Variants in PPOX observed in about 807,000 individuals in gnomAD.
The protein encoded by PPOX is variegate porphyria.
PPOX carries 23 observed loss-of-function variants against 54.1 expected under a neutral mutation model. The observed-to-expected ratio is 0.43, with a 90% CI of 0.31 to 0.60. PPOX has a LOEUF of 0.60. PPOX is among the 20% of genes least tolerant of loss of function. The pLI, the probability that PPOX is intolerant of heterozygous loss-of-function variation, is 0.13. For synonymous variants in PPOX, 224 were observed against 236.1 expected (o/e 0.95, Z 0.47); for missense variants, 512 against 601.1 (o/e 0.85, Z 1.55).
chr1:161,166,591 A>G lies in PPOX; in HGVS notation c.-90A>G. The G allele has an allele frequency of 7.0e-7, 1 of 1,430,800 alleles. No individual in the cohort carries two copies. The highest frequency in any genetic ancestry group is 2.7e-5 in the Admixed American group (1 of 36,546). The allele number at this position is 1,430,800 out of a possible 1,614,324, so 88.6% of individuals were successfully genotyped here. ...TAGCGAGGGTGTGGCCCTTATCTGC[A>G]CCCAGCAGAGCGCCGGCGGGGTACG... On this transcript the variant is annotated 5_prime_UTR_variant, in exon 1 of 13. Transcript: ENST00000367999.
intron 7 of PPOX, 123 bp from the exon 8 acceptor site, chr1:161,169,537 G>C: frequency 1.0e-6 from 1 of 993,832 alleles, no homozygotes; most frequent in African/African-American, 1.6e-5. Flanking sequence ...CTTCATCCTG[G>C]GTCAGTACAC....
chr1:161,172,462 A>G, downstream of PPOX: 1 of 743,832 alleles, frequency 1.3e-6, no homozygotes, highest in Non-Finnish European at 2.1e-6. Context: ...CCAGGACAGA[A>G]GTCAAACAGA....
downstream of PPOX, chr1:161,173,518 A>G: frequency 6.3e-7 from 1 of 1,580,182 alleles, no homozygotes; most frequent in East Asian, 2.2e-5. Context: ...GCTAAAGGTT[A>G]GTGTTGAAGG....
chr1:161,169,553 C>G, intron 7 of PPOX, 107 bp from the exon 8 acceptor site: 2 of 1,167,710 alleles, frequency 1.7e-6, no homozygotes, highest in Non-Finnish European at 2.6e-6. Context: ...TACACAGTCT[C>G]CCCGGCCACA....
At chr1:161,166,038 C>T (rs547327371), upstream of PPOX, 4 of 960,494 alleles carry the variant, frequency 4.2e-6, no homozygotes, top group South Asian at 1.4e-4. Context: ...CCCGTAGGCC[C>T]GGTCTGTTGC....
chr1:161,168,338 C>T (rs1659855098), intron 5 of PPOX, 94 bp from the exon 6 acceptor site: 2 of 1,595,508 alleles, frequency 1.3e-6, no homozygotes, highest in East Asian at 2.2e-5. Context: ...CAACCCAAAC[C>T]CTATCCCACC....
At chr1:161,173,510 TA>T (rs1478116047), downstream of PPOX, 4 of 1,568,952 alleles carry the variant, frequency 2.5e-6, no homozygotes, top group East Asian at 4.5e-5. Context: ...ACCAGGGAGC[TA>T]AAGGTTAGTG....
At chr1:161,166,378 T>A, upstream of PPOX, 1 of 1,051,818 alleles carries the variant, frequency 9.5e-7, no homozygotes, top group Non-Finnish European at 1.2e-6. Context: ...GTCCCGCCAA[T>A]CCAGATGTAG....
In PPOX at chr1:161,168,067, C is replaced by T; in HGVS notation, c.411C>T (p.Pro137=). The change falls in exon 5 of 13, where the codon CCC becomes CCT. Residue 137 remains proline, a synonymous_variant. Transcript: ENST00000367999. ...FWAGLRELTK[P]RGKEPDETVH... ...CTGGGCTGAGGGAGCTGACCAAGCC[C>T]CGGGGCAAAGAGCCTGATGAGACTG... is the stretch of plus-strand genomic sequence containing the variant. 6.2e-7 allele frequency: 1 copy of T among 1,614,170 alleles called. No homozygotes were observed. The highest frequency in any genetic ancestry group is 8.5e-7 in the Non-Finnish European group (1 of 1,180,034).
chr1:161,166,001 T>G, upstream of PPOX: 1 of 775,008 alleles, frequency 1.3e-6, no homozygotes. Flanking sequence ...TGACAAACAC[T>G]GGGTACGTTG....
In PPOX at chr1:161,171,173, C is replaced by T. The variant is rs1353605669; in HGVS notation, c.1431C>T (p.Ser477=). ...AVSVLGTEPN[S] The stretch of plus-strand genomic sequence containing the variant: ...GTGTCCTGGGCACAGAACCTAACAG[C>T]TGATCCCCAACTCTCATTCATGAAA... The change falls in exon 13 of 13, where the codon AGC becomes AGT. Residue 477 remains serine (S), a synonymous_variant. Coordinates refer to ENST00000367999, the MANE Select transcript of PPOX (RefSeq NM_001122764.3). 1 of 1,613,298 alleles carries T rather than the reference C, an allele frequency of 6.2e-7. No individual in the cohort carries two copies. Among genetic ancestry groups the T allele is most frequent in the Non-Finnish European group, 8.5e-7 (1 of 1,180,042 alleles).
chr1:161,170,063 A>G, intron 9 of PPOX, 39 bp downstream of exon 9: 2 of 1,587,086 alleles, frequency 1.3e-6, no homozygotes, highest in Non-Finnish European at 8.6e-7. Flanking sequence ...ATGGTGGCTC[A>G]CACCTGTAAT....
At chr1:161,168,354 T>C in intron 5 of PPOX, 78 bp from the exon 6 acceptor site, 1 of 1,604,232 alleles carries the variant, frequency 6.2e-7, no homozygotes, top group Non-Finnish European at 8.5e-7. Context: ...CCACCCTCAT[T>C]CCCTACCAAA....
downstream of PPOX, among the ~76,000 whole-genome samples, chr1:161,173,402 T>C (rs988602691): frequency 1.3e-5 from 2 of 152,098 alleles, no homozygotes; most frequent in African/African-American, 4.8e-5. Context: ...AAGAACAAAC[T>C]AACCAGGAGA....
At chr1:161,168,164 C>A in intron 5 of PPOX, 37 bp downstream of exon 5, 1 of 1,614,114 alleles carries the variant, frequency 6.2e-7, no homozygotes, top group Non-Finnish European at 8.5e-7. Context: ...CTCTTCCCTC[C>A]TAAACCAGCT....
At chr1:161,168,705 T>C in intron 6 of PPOX, 129 bp downstream of exon 6, 1 of 1,242,196 alleles carries the variant, frequency 8.1e-7, no homozygotes, top group East Asian at 2.5e-5. Flanking sequence ...CTGCCTAGGC[T>C]GGAGTGCAGT....
At chr1:161,176,253 C>A in intron 4 of PPOX, 1 of 697,982 alleles carries the variant, frequency 1.4e-6, no homozygotes, top group Non-Finnish European at 2.3e-6. Context: ...CCACCAGTAA[C>A]CCTACCACCT....
At chr1:161,173,657 A>C, downstream of PPOX, 1 of 1,614,158 alleles carries the variant, frequency 6.2e-7, no homozygotes, top group Non-Finnish European at 8.5e-7. Flanking sequence ...TCATTGGGGA[A>C]GCCATTCATC....
At chr1:161,175,582 G>A (rs1318988008), downstream of PPOX, among the ~76,000 whole-genome samples, 1 of 152,064 alleles carries the variant, frequency 6.6e-6, no homozygotes, top group Non-Finnish European at 1.5e-5. Flanking sequence ...CCCATAAAGG[G>A]ACAAGCAGTA....
Sources: allele counts gnomAD v4.1 joint callset (sites outside exome capture counted in the v4.1 genomes callset), GRCh38; gene constraint gnomAD v4.1.1; transcripts MANE v1.5; gene names NCBI Gene and HGNC (gene_info 2026-07-23, HGNC 2026-07-21).